Variants in ARID3A observed in about 807,000 individuals in gnomAD.
ARID3A encodes the protein AT-rich interaction domain 3A.
A neutral mutation model predicts 52.7 loss-of-function variants in ARID3A; 11 were observed. That is an observed-to-expected ratio of 0.21 (90% confidence interval 0.13 to 0.35). ARID3A has a LOEUF of 0.35. ARID3A is among the 10% of genes least tolerant of loss of function. The pLI is 1.00. For missense variants in ARID3A, 721 were observed against 838.5 expected (o/e 0.86, Z 1.73); for synonymous variants, 404 against 359.4 (o/e 1.12, Z -1.40).
Position 975,844 on chromosome 19 carries a change from G to C in ARID3A, c.*3779G>C, listed in dbSNP as rs1306585830. 1 of 185,788 alleles carries C rather than the reference G, an allele frequency of 5.4e-6. No homozygotes were observed. The highest frequency in any genetic ancestry group is 2.0e-4 in the South Asian group (1 of 5,100). 11.5% of individuals were successfully genotyped at this position (185,788 alleles called of 1,614,324 possible). On this transcript the variant is annotated 3_prime_UTR_variant, in exon 9 of 9. Coordinates refer to ENST00000263620, the MANE Select transcript of ARID3A (RefSeq NM_005224.3). ...TTATAGTAACATTATTATGCAGATT[G>C]TATTTAAACTTCAGAAATATTTAAG...
Position 972,279 on chromosome 19 carries a change from CAG to C in ARID3A, c.*215_*216del, listed in dbSNP as rs35068271. On this transcript the variant is annotated 3_prime_UTR_variant, in exon 9 of 9. Transcript: ENST00000263620. ...TATATATAAAGAGAATTTAATAAAA[CAG>C]GGGAAAACCAAGGAACACTTGAATT... The C allele has an allele frequency of 6.1e-3, 1,373 of 226,420 alleles. 33 individuals are homozygous for C. Among genetic ancestry groups the C allele is most frequent in the East Asian group, 0.057 (842 of 14,724 alleles). 14.0% of individuals were successfully genotyped at this position (226,420 alleles called of 1,614,324 possible). A position where few individuals can be genotyped will look rare whatever the true frequency, so the allele number is the denominator to read the frequency against.
rs2038289745 is a variant in ARID3A at position 972,115 on chromosome 19, A to G, written c.*50A>G. The G allele has an allele frequency of 2.0e-6, 3 of 1,473,700 alleles. No individual in the cohort carries two copies. Among genetic ancestry groups the G allele is most frequent in the Non-Finnish European group, 9.0e-7 (1 of 1,115,170 alleles). The allele number at this position is 1,473,700 out of a possible 1,614,324, so 91.3% of individuals were successfully genotyped here. ...CACCCTGGAGCCCGCCGGCCTGGGC[A>G]GGGGGTCCAGGTGGGCCACACAGGG... is the stretch of plus-strand genomic sequence containing the variant. On this transcript the variant is annotated 3_prime_UTR_variant, in exon 9 of 9. Transcript: ENST00000263620.
At chr19:966,195 C>A (rs989096605) in intron 6 of ARID3A, among the ~76,000 whole-genome samples, 4 of 150,376 alleles carry the variant, frequency 2.7e-5, no homozygotes, top group African/African-American at 9.8e-5. Flanking sequence ...CGCGGTGGCT[C>A]ACGCCTGTAA....
chr19:934,153 A>G (rs1444398998), intron 3 of ARID3A, among the ~76,000 whole-genome samples: 1 of 152,196 alleles, frequency 6.6e-6, no homozygotes, highest in East Asian at 1.9e-4. Flanking sequence ...AGGGGCGGGC[A>G]GGAGCCGGAC....
At chr19:952,851 C>A (rs758448347) in intron 3 of ARID3A, among the ~76,000 whole-genome samples, 1 of 152,170 alleles carries the variant, frequency 6.6e-6, no homozygotes, top group Non-Finnish European at 1.5e-5. Context: ...CTGGGCCCCC[C>A]GCAGCTGCTG....
At chr19:956,275 G>A (rs1249682109) in intron 3 of ARID3A, among the ~76,000 whole-genome samples, 1 of 152,038 alleles carries the variant, frequency 6.6e-6, no homozygotes, top group African/African-American at 2.4e-5. Flanking sequence ...CCCCCTCTCC[G>A]CCCTGCCCGG....
chr19:927,787 C>G (rs1329993509), intron 1 of ARID3A, among the ~76,000 whole-genome samples: 1 of 152,150 alleles, frequency 6.6e-6, no homozygotes, highest in Non-Finnish European at 1.5e-5. Context: ...CAACCCAGCG[C>G]TATGGCCCTG....
intron 3 of ARID3A, among the ~76,000 whole-genome samples, chr19:953,655 G>A (rs1457265550): frequency 6.6e-6 from 1 of 152,244 alleles, no homozygotes; most frequent in Non-Finnish European, 1.5e-5. Flanking sequence ...CTGTGGAGGG[G>A]GCTCTGTCAG....
At chr19:927,289 T>TG (rs1274132542) in intron 1 of ARID3A, among the ~76,000 whole-genome samples, 1 of 103,714 alleles carries the variant, frequency 9.6e-6, no homozygotes, top group South Asian at 3.2e-4. Flanking sequence ...AAAATGGGGG[T>TG]GGGGGTCGAG....
In ARID3A at chr19:966,654, A is replaced by C. The variant is rs1471040359; in HGVS notation, c.1281A>C (p.Ala427=). Residue 427 remains alanine (A), a synonymous_variant, in exon 7 of 9, where the codon GCA becomes GCC. Transcript: ENST00000263620. ...LAGHPVVAAQ[A]AAVQAAAAQA... is the part of the protein sequence containing the mutation. ...GCCACCCTGTGGTGGCAGCCCAGGC[A>C]GCAGCTGTGCAAGCAGCAGCCGCCC... 4.4e-6 allele frequency: 7 copies of C among 1,607,976 alleles called. No homozygotes were observed. In the African/African-American group the frequency reaches 8.0e-5, roughly 18 times the overall value.
At chr19:933,938 C>T (rs978692616) in intron 3 of ARID3A, among the ~76,000 whole-genome samples, 8 of 151,856 alleles carry the variant, frequency 5.3e-5, no homozygotes, top group Admixed American at 1.3e-4. Flanking sequence ...CACACTGCCG[C>T]GCGTCCCATT....
rs917621719 is a variant in ARID3A at position 944,190 on chromosome 19, T to C, written c.693+11448T>C. Among the ~76,000 whole-genome samples, 4 of 151,940 alleles carry C rather than the reference T, an allele frequency of 2.6e-5. No individual in the cohort carries two copies. Among genetic ancestry groups the C allele is most frequent in the African/African-American group, 9.7e-5 (4 of 41,220 alleles). On this transcript the variant is annotated intron_variant, in intron 3 of 8. Transcript: ENST00000263620. The surrounding 1 kb of genome is among the most constrained non-coding windows in gnomAD (Gnocchi z 5.9). The stretch of plus-strand genomic sequence containing the variant: ...TGCCTGCGTACTGGGGACACAGCCG[T>C]GCATGAAGCAGAAGCTCCTGCCGCC...
At chr19:966,472 A>AG (rs1364258856) in intron 6 of ARID3A, 100 bp from the exon 7 acceptor site, 3 of 1,083,762 alleles carry the variant, frequency 2.8e-6, no homozygotes, top group Non-Finnish European at 2.5e-6. Flanking sequence ...AAAAAAAAAA[A>AG]AAAGAAAAGA....
At chr19:970,245 G>A (rs978398414) in intron 8 of ARID3A, among the ~76,000 whole-genome samples, 28 of 151,816 alleles carry the variant, frequency 1.8e-4, no homozygotes, top group African/African-American at 6.0e-4. Flanking sequence ...CCCGGGAGGC[G>A]AAGGTTGCAG....
At position 941,558 on chromosome 19, in the gene ARID3A, G is replaced by T. The variant is rs2037555582; in HGVS notation, c.693+8816G>T. On this transcript the variant is annotated intron_variant, in intron 3 of 8. Transcript: ENST00000263620. The surrounding 1 kb of genome is among the most constrained non-coding windows in gnomAD (Gnocchi z 6.9). ...CCTGTTGGTGAGTGTGTCCAGACGT[G>T]TGTCTGCCCTGACGTCCTTTGTGAA... Among the ~76,000 whole-genome samples the T allele has an allele frequency of 6.6e-6, 1 of 152,206 alleles. No homozygotes were observed. Among genetic ancestry groups the T allele is most frequent in the African/African-American group, 2.4e-5 (1 of 41,438 alleles).
At chr19:943,073 A>G (rs966901581) in intron 3 of ARID3A, among the ~76,000 whole-genome samples, 5 of 151,954 alleles carry the variant, frequency 3.3e-5, no homozygotes, top group African/African-American at 1.2e-4. Flanking sequence ...GCTTGAGACC[A>G]GCCTCAGCAA....
At position 929,796 on chromosome 19, in the gene ARID3A, G is replaced by A. The variant is rs1451989551; in HGVS notation, c.268G>A (p.Glu90Lys). 3.2e-6 allele frequency: 5 copies of A among 1,548,588 alleles called. No individual in the cohort carries two copies. The highest frequency in any genetic ancestry group is 4.3e-6 in the Non-Finnish European group (5 of 1,150,586). ...GSEDGPPGSEEEDAAREGTPG... is the reference protein window; with the variant it reads ...GSEDGPPGSEKEDAAREGTPG... ...TGAGGATGGGCCCCCAGGCTCGGAGGAGGAGGACGCGGCCCGGGAGGGGAC... is the reference window on the plus strand; with the variant it reads ...TGAGGATGGGCCCCCAGGCTCGGAGAAGGAGGACGCGGCCCGGGAGGGGAC... The change falls in exon 2 of 9, where the codon GAG becomes AAG. Residue 90 changes from glutamate (E) to lysine (K), a missense_variant. By Grantham distance (56) the Glu-to-Lys change is moderately conservative (BLOSUM62 1). Transcript: ENST00000263620. The surrounding 1 kb of genome is among the most constrained non-coding windows in gnomAD (Gnocchi z 6.2).
rs370210748 is a variant in ARID3A at position 973,910 on chromosome 19, T to A, written c.*1845T>A. On this transcript the variant is annotated 3_prime_UTR_variant, in exon 9 of 9. Coordinates refer to ENST00000263620, the MANE Select transcript of ARID3A (RefSeq NM_005224.3). ...TGCCCAGCAGGGTCTGGGGACTTCG[T>A]TGGACCCGCGTGGTGTTGGGCGGGG... 4.3e-6 allele frequency: 1 copy of A among 230,598 alleles called. No individual in the cohort carries two copies. The highest frequency in any genetic ancestry group is 1.8e-4 in the South Asian group (1 of 5,518). The allele number at this position is 230,598 out of a possible 1,614,324, so 14.3% of individuals were successfully genotyped here.
intron 2 of ARID3A, among the ~76,000 whole-genome samples, chr19:930,429 G>A (rs2037296605): frequency 6.6e-6 from 1 of 150,432 alleles, no homozygotes; most frequent in Non-Finnish European, 1.5e-5. Context: ...GCAGAAGCCT[G>A]TAAACCCAGC....
Sources: allele counts gnomAD v4.1 joint callset (sites outside exome capture counted in the v4.1 genomes callset), GRCh38; gene constraint gnomAD v4.1.1; non-coding constraint Gnocchi (gnomAD v3.1); transcripts MANE v1.5; gene names NCBI Gene and HGNC (gene_info 2026-07-23, HGNC 2026-07-21).